ERC2: variants seen among roughly 807,000 people sequenced by gnomAD.
ERC2 encodes ELKS/RAB6-interacting/CAST family member 2.
A neutral mutation model predicts 114.8 loss-of-function variants in ERC2; 42 were observed. The observed-to-expected ratio is 0.37, with a 90% CI of 0.29 to 0.47. The LOEUF (loss-of-function observed/expected upper bound fraction) is 0.47, where lower values mean the gene tolerates loss of function less well. Among genes scored for constraint, ERC2 ranks in the 20% least tolerant of loss-of-function variants. The probability of loss-of-function intolerance (pLI) is 0.99; values close to 1 mark genes in which losing one functional copy is unlikely to be tolerated. For missense variants in ERC2, 939 were observed against 1,150.7 expected, an observed-to-expected ratio of 0.82 and a Z score of 2.66; for synonymous variants, 454 against 425.5, an observed-to-expected ratio of 1.07 and a Z score of -0.82.
chr3:55,751,013 A>G (rs938198201), intron 14 of ERC2, among the ~76,000 whole-genome samples: 1 of 152,238 alleles, frequency 6.6e-6, no homozygotes, highest in African/African-American at 2.4e-5. Context: ...GTTAGCAAGC[A>G]TATGTTGTTG....
intron 17 of ERC2, among the ~76,000 whole-genome samples, chr3:55,553,456 T>G (rs2055369136): frequency 6.6e-6 from 1 of 152,008 alleles, no homozygotes; most frequent in African/African-American, 2.4e-5. Context: ...TATTGTGGGG[T>G]TAAGGAACTG....
intron 7 of ERC2, among the ~76,000 whole-genome samples, chr3:56,034,945 G>A (rs2074697009): frequency 6.6e-6 from 1 of 151,740 alleles, no homozygotes; most frequent in African/African-American, 2.4e-5. Context: ...AAACCCAAAA[G>A]TTAGCAGAAG....
intron 6 of ERC2, among the ~76,000 whole-genome samples, chr3:56,124,293 G>A (rs2079754006): frequency 6.6e-6 from 1 of 152,132 alleles, no homozygotes; most frequent in Non-Finnish European, 1.5e-5. Flanking sequence ...ATCTGTATAA[G>A]GCATCAGTTT....
intron 17 of ERC2, among the ~76,000 whole-genome samples, chr3:55,601,700 T>C (rs1403015018): frequency 2.0e-5 from 3 of 152,062 alleles, no homozygotes; most frequent in South Asian, 2.1e-4. Context: ...GGTGCGGTGG[T>C]TTATGTCTGT....
At chr3:56,063,203 C>G (rs1053932446) in intron 7 of ERC2, among the ~76,000 whole-genome samples, 1 of 152,040 alleles carries the variant, frequency 6.6e-6, no homozygotes, top group Non-Finnish European at 1.5e-5. Flanking sequence ...TGGTGATTGC[C>G]AGGGATTGGA....
rs376485894 is a variant in ERC2 at position 56,258,087 on chromosome 3, T to C, written c.1074+37932A>G. Among the ~76,000 whole-genome samples the C allele has an allele frequency of 5.5e-4, 84 of 152,336 alleles. 1 individual carries two copies. The highest frequency in any genetic ancestry group is 1.9e-3 in the African/African-American group (79 of 41,582). ...AGCAAAAAGGGCAGCCAAACTCCTCTGGATGCAGCAGGACTAGGGGGCCAG... is the reference window on the plus strand; with the variant it reads ...AGCAAAAAGGGCAGCCAAACTCCTCCGGATGCAGCAGGACTAGGGGGCCAG... On this transcript the variant is annotated intron_variant, in intron 3 of 17. Transcript: ENST00000288221.
At chr3:56,435,633 T>G (rs1157057466) in intron 1 of ERC2, among the ~76,000 whole-genome samples, 1 of 152,194 alleles carries the variant, frequency 6.6e-6, no homozygotes, top group Non-Finnish European at 1.5e-5. Context: ...TACCTTCCCC[T>G]CCTGTACTCA....
intron 6 of ERC2, among the ~76,000 whole-genome samples, chr3:56,082,985 C>A (rs746795040): frequency 2.0e-5 from 3 of 152,176 alleles, no homozygotes; most frequent in Non-Finnish European, 2.9e-5. Flanking sequence ...CCCCACACCC[C>A]ACACCTCTTC....
At position 56,218,906 on chromosome 3, in the gene ERC2, G is replaced by A. The variant is rs544374783; in HGVS notation, c.1075-45386C>T. On this transcript the variant is annotated intron_variant, in intron 3 of 17. Coordinates refer to ENST00000288221, the MANE Select transcript of ERC2 (RefSeq NM_015576.3). ...TCGCAAGGACAAAAAACCAAACGCC[G>A]CGTGTTCTCACTCATAGGTGGGAAC... 1.8e-4 allele frequency among the ~76,000 whole-genome samples: 28 copies of A among 152,134 alleles called. 1 individual carries two copies. The South Asian group carries it at 4.6e-3, about 25-fold the overall frequency.
chr3:55,796,023 G>C (rs958810958), intron 14 of ERC2, among the ~76,000 whole-genome samples: 2 of 152,180 alleles, frequency 1.3e-5, no homozygotes, highest in African/African-American at 4.8e-5. Context: ...TTTTGAGAAG[G>C]GCTCCAAGTG....
intron 15 of ERC2, among the ~76,000 whole-genome samples, chr3:55,700,431 T>C (rs143310350): frequency 6.6e-6 from 1 of 152,352 alleles, no homozygotes; most frequent in African/African-American, 2.4e-5. Flanking sequence ...GTAAACTATT[T>C]ATAAACCTTA....
At chr3:56,141,177 T>C (rs775096297) in intron 5 of ERC2, among the ~76,000 whole-genome samples, 6 of 152,300 alleles carry the variant, frequency 3.9e-5, no homozygotes, top group Admixed American at 6.5e-5. Context: ...GTTGTGCAGG[T>C]AGATGATCTG....
At chr3:55,813,874 C>G (rs1395842471) in intron 14 of ERC2, among the ~76,000 whole-genome samples, 1 of 152,132 alleles carries the variant, frequency 6.6e-6, no homozygotes, top group African/African-American at 2.4e-5. Flanking sequence ...CTCATTTAGT[C>G]AACCACTCTC....
intron 2 of ERC2, among the ~76,000 whole-genome samples, chr3:56,405,309 C>A (rs977038280): frequency 6.6e-6 from 1 of 151,594 alleles, no homozygotes; most frequent in Non-Finnish European, 1.5e-5. Flanking sequence ...CCGGGCATGG[C>A]GGTGGGTGCC....
At chr3:55,921,685 A>G (rs2065439652) in intron 13 of ERC2, among the ~76,000 whole-genome samples, 1 of 152,130 alleles carries the variant, frequency 6.6e-6, no homozygotes, top group Admixed American at 6.5e-5. Flanking sequence ...TAACTTTTCT[A>G]CTAGTTTTGT....
chr3:56,260,584 T>C (rs2052850048), intron 3 of ERC2, among the ~76,000 whole-genome samples: 1 of 152,066 alleles, frequency 6.6e-6, no homozygotes, highest in Admixed American at 6.5e-5. Flanking sequence ...AGTTGAAGCA[T>C]CCTTCCTTCA....
intron 14 of ERC2, among the ~76,000 whole-genome samples, chr3:55,844,529 T>C (rs1476014549): frequency 2.0e-5 from 3 of 152,286 alleles, no homozygotes; most frequent in African/African-American, 7.2e-5. Flanking sequence ...TAATAATTAT[T>C]ATCTTTGAGA....
intron 2 of ERC2, among the ~76,000 whole-genome samples, chr3:56,410,132 G>A (rs918345553): frequency 6.6e-6 from 1 of 152,102 alleles, no homozygotes; most frequent in Non-Finnish European, 1.5e-5. Flanking sequence ...AAGTATTAGT[G>A]CCAGTAATTA....
At chr3:56,143,675 G>A (rs940561600) in intron 5 of ERC2, among the ~76,000 whole-genome samples, 6 of 152,156 alleles carry the variant, frequency 3.9e-5, no homozygotes. Flanking sequence ...GTCTTTATTA[G>A]CAGCATGAGA....
Sources: gnomAD v4.1 joint callset for allele counts (sites outside exome capture counted in the v4.1 genomes callset) on GRCh38, gnomAD v4.1.1 for gene constraint, MANE v1.5 for transcripts, NCBI Gene and HGNC (gene_info 2026-07-23, HGNC 2026-07-21) for gene names.